The following HABP4 variants were observed in gnomAD, a reference collection of about 807,000 sequenced individuals.
The protein encoded by HABP4 is hyaluronan binding protein 4.
Under a neutral mutation model 44.1 loss-of-function variants are expected in HABP4, and 32 were observed. That is an observed-to-expected ratio of 0.73 (90% CI 0.55 to 0.97). HABP4 has a LOEUF of 0.97. Ranked by LOEUF, HABP4 falls within the 50% of genes least tolerant of loss-of-function variation. The pLI, the probability that HABP4 is intolerant of heterozygous loss-of-function variation, is 0.00. For synonymous variants in HABP4, 216 were observed against 218.0 expected, an observed-to-expected ratio of 0.99 and a Z score of 0.08; for missense variants, 503 against 561.9, an observed-to-expected ratio of 0.90 and a Z score of 1.06.
chr9:96,450,318 C>T lies in HABP4; in HGVS notation c.39C>T (p.Gly13=), dbSNP rs763239110. The stretch of plus-strand genomic sequence containing the variant: ...TGGGGAGTCCCGTGGCTGCCGCTGG[C>T]GCCGCGATGCAGGAGAGTTTCGGCT... ...GALGSPVAAA[G]AAMQESFGCV... The change falls in exon 1 of 8, where the codon GGC becomes GGT. Residue 13 remains glycine (G), a synonymous_variant. Coordinates refer to ENST00000375249, the MANE Select transcript of HABP4 (RefSeq NM_014282.4). This position sits in a 1 kb window ranked among gnomAD's most constrained non-coding sequence, Gnocchi z 4.8. The T allele has an allele frequency of 2.8e-5, 40 of 1,431,324 alleles. No individual in the cohort carries two copies. The African/African-American group carries it at 5.0e-4, about 18-fold the overall frequency. 88.7% of individuals were successfully genotyped at this position (1,431,324 alleles called of 1,614,324 possible).
intron 5 of HABP4, among the ~76,000 whole-genome samples, chr9:96,478,283 CCACTA>C (rs1832816571): frequency 6.6e-6 from 1 of 152,106 alleles, no homozygotes; most frequent in African/African-American, 2.4e-5. Flanking sequence ...CAGGCGCCCG[CCACTA>C]CACCCAGCTA....
At chr9:96,458,718 G>T (rs1832446512) in intron 2 of HABP4, among the ~76,000 whole-genome samples, 177 bp downstream of exon 2, 1 of 151,852 alleles carries the variant, frequency 6.6e-6, no homozygotes, top group African/African-American at 2.4e-5. Flanking sequence ...CCGCTCCCGG[G>T]TTCAAGCAAT....
Position 96,490,265 on chromosome 9 carries a change from G to A in HABP4, c.*227G>A, listed in dbSNP as rs1306133902. 1 of 566,446 alleles carries A rather than the reference G, an allele frequency of 1.8e-6. No homozygotes were observed. Among genetic ancestry groups the A allele is most frequent in the Non-Finnish European group, 3.1e-6 (1 of 318,206 alleles). 35.1% of individuals were successfully genotyped at this position (566,446 alleles called of 1,614,324 possible). ...GAATGGTGACTGTGTTTTTATTGAA[G>A]GAATTTCAAATGAAGAATAATGTTT... On this transcript the variant is annotated 3_prime_UTR_variant, in exon 8 of 8. Coordinates refer to ENST00000375249, the MANE Select transcript of HABP4 (RefSeq NM_014282.4).
chr9:96,487,378 GATTTA>G (rs1832993876), intron 6 of HABP4, among the ~76,000 whole-genome samples: 1 of 152,096 alleles, frequency 6.6e-6, no homozygotes, highest in Non-Finnish European at 1.5e-5. Flanking sequence ...ATTTGGATCA[GATTTA>G]ATTAATTTAT....
In HABP4 at chr9:96,451,378, G is replaced by C. The variant is rs959795023; in HGVS notation, c.349+750G>C. ...GCGTGGTGTCCTGCTGCCTGTGGACGGGGAGGGTGCTTCAGAGTTCATTCT... is the reference window on the plus strand; with the variant it reads ...GCGTGGTGTCCTGCTGCCTGTGGACCGGGAGGGTGCTTCAGAGTTCATTCT... On this transcript the variant is annotated intron_variant, in intron 1 of 7. Transcript: ENST00000375249. 6 of 510,138 alleles carry C rather than the reference G, an allele frequency of 1.2e-5. No individual in the cohort carries two copies. In the African/African-American group the frequency reaches 1.2e-4, roughly 11 times the overall value. The allele number at this position is 510,138 out of a possible 1,614,324, so 31.6% of individuals were successfully genotyped here.
intron 2 of HABP4, among the ~76,000 whole-genome samples, chr9:96,463,843 C>G (rs933565880): frequency 2.0e-5 from 3 of 152,212 alleles, no homozygotes; most frequent in Non-Finnish European, 4.4e-5. Context: ...TAACATACCT[C>G]TACTGCTGGT....
chr9:96,481,829 A>G (rs1234256818), intron 5 of HABP4, among the ~76,000 whole-genome samples: 1 of 152,188 alleles, frequency 6.6e-6, no homozygotes, highest in Non-Finnish European at 1.5e-5. Context: ...TTAAAATTGC[A>G]GTAAAAATAA....
At chr9:96,452,387 T>C (rs1832299555) in intron 1 of HABP4, among the ~76,000 whole-genome samples, 1 of 152,166 alleles carries the variant, frequency 6.6e-6, no homozygotes, top group Non-Finnish European at 1.5e-5. Flanking sequence ...TCCTCTTATT[T>C]TTCCTACTAA....
intron 5 of HABP4, among the ~76,000 whole-genome samples, chr9:96,474,990 C>G (rs377490034): frequency 6.6e-6 from 1 of 152,144 alleles, no homozygotes; most frequent in South Asian, 2.1e-4. Flanking sequence ...CCATCTTCTC[C>G]TTTCATTACA....
intron 5 of HABP4, chr9:96,484,143 C>T (rs1832929497): frequency 1.1e-5 from 2 of 188,860 alleles, no homozygotes; most frequent in Non-Finnish European, 2.2e-5. Flanking sequence ...TCCATAATTA[C>T]CTCATTTTGT....
At chr9:96,455,032 T>C (rs1832349972) in intron 1 of HABP4, among the ~76,000 whole-genome samples, 1 of 151,782 alleles carries the variant, frequency 6.6e-6, no homozygotes, top group Non-Finnish European at 1.5e-5. Flanking sequence ...GGTGGGAGGA[T>C]CAGTTGAGCC....
At chr9:96,480,679 T>C (rs1404872742) in intron 5 of HABP4, among the ~76,000 whole-genome samples, 4 of 152,224 alleles carry the variant, frequency 2.6e-5, no homozygotes, top group Non-Finnish European at 4.4e-5. Context: ...TAGTTCAACA[T>C]GCATATCACT....
Position 96,458,419 on chromosome 9 carries a change from G to A in HABP4, c.390G>A (p.Trp130Ter). Residue 130 changes from tryptophan to a stop codon, truncating the protein, a stop_gained, in exon 2 of 8, where the codon TGG becomes TGA. Transcript: ENST00000375249. LOFTEE classifies it high-confidence loss of function. ...RTPRRGEQQG[W>*]NDSRGPEGML... is the part of the protein sequence containing the mutation. ...CTAGAAGAGGGGAGCAGCAAGGATG[G>A]AATGACAGCCGTGGGCCGGAGGGGA... The A allele has an allele frequency of 6.2e-7, 1 of 1,614,104 alleles. No individual in the cohort carries two copies. Among genetic ancestry groups the A allele is most frequent in the Non-Finnish European group, 8.5e-7 (1 of 1,179,982 alleles).
In HABP4 at chr9:96,488,844, G is replaced by A. The variant is rs573984070; in HGVS notation, c.1185+570G>A. ...TTTCTTTGATCACATCTCCTAGACC[G>A]ATCAAGGTCTCGGAGCAAAGGAGTT... On this transcript the variant is annotated intron_variant, in intron 7 of 7. Coordinates refer to ENST00000375249, the MANE Select transcript of HABP4 (RefSeq NM_014282.4). This position sits in a 1 kb window ranked among gnomAD's most constrained non-coding sequence, Gnocchi z 4.6. Among the ~76,000 whole-genome samples, 11 of 152,254 alleles carry A rather than the reference G, an allele frequency of 7.2e-5. No homozygotes were observed. The East Asian group carries it at 1.9e-3, about 27-fold the overall frequency.
intron 4 of HABP4, among the ~76,000 whole-genome samples, chr9:96,467,722 C>T (rs2131134415): frequency 6.6e-6 from 1 of 152,136 alleles, no homozygotes; most frequent in East Asian, 1.9e-4. Flanking sequence ...GATGGTGTTT[C>T]ACCATGTTGG....
chr9:96,450,988 T>A lies in HABP4; in HGVS notation c.349+360T>A, dbSNP rs1211129546. Among the ~76,000 whole-genome samples, 1 of 152,020 alleles carries A rather than the reference T, an allele frequency of 6.6e-6. No homozygotes were observed. Among genetic ancestry groups the A allele is most frequent in the Non-Finnish European group, 1.5e-5 (1 of 67,988 alleles). On this transcript the variant is annotated intron_variant, in intron 1 of 7. Transcript: ENST00000375249. This position sits in a 1 kb window ranked among gnomAD's most constrained non-coding sequence, Gnocchi z 4.8. ...CCAGACCTGGCGGGGACCTTCATCT[T>A]CCAGCCCAGCCTCTGCAAGATTGAG...
intron 1 of HABP4, 141 bp from the exon 2 acceptor site, chr9:96,458,238 C>T (rs1832433468): frequency 1.1e-5 from 9 of 847,830 alleles, no homozygotes; most frequent in Admixed American, 8.2e-5. Context: ...CAACTTTTTT[C>T]TTTGAAGTTT....
At chr9:96,476,870 G>T (rs1335143931) in intron 5 of HABP4, among the ~76,000 whole-genome samples, 1 of 152,182 alleles carries the variant, frequency 6.6e-6, no homozygotes, top group African/African-American at 2.4e-5. Context: ...CAGGGCATTC[G>T]TGCCTCTGAT....
At position 96,450,193 on chromosome 9, in the gene HABP4, G is replaced by C. The variant is rs552944440; in HGVS notation, c.-87G>C. 1.2e-4 allele frequency: 150 copies of C among 1,205,452 alleles called. No homozygotes were observed. The African/African-American group carries it at 2.0e-3, about 16-fold the overall frequency. The allele number at this position is 1,205,452 out of a possible 1,614,324, so 74.7% of individuals were successfully genotyped here. ...TAGGGCCCGGAGGGCGGTGGCGGCG[G>C]AGCGGGCGGCATGGGTCCTGGCCGC... is the stretch of plus-strand genomic sequence containing the variant. On this transcript the variant is annotated 5_prime_UTR_variant, in exon 1 of 8. Transcript: ENST00000375249. The surrounding 1 kb of genome is among the most constrained non-coding windows in gnomAD (Gnocchi z 4.8).
Sources: gnomAD v4.1 joint callset for allele counts (sites outside exome capture counted in the v4.1 genomes callset) on GRCh38, gnomAD v4.1.1 for gene constraint, Gnocchi (gnomAD v3.1) non-coding constraint, MANE v1.5 for transcripts, NCBI Gene and HGNC (gene_info 2026-07-23, HGNC 2026-07-21) for gene names.